The following RGS6 variants were observed in gnomAD, a reference collection of about 807,000 sequenced individuals.
The protein encoded by RGS6 is regulator of G protein signaling 6.
Under a neutral mutation model 78.5 loss-of-function variants are expected in RGS6, and 30 were observed. The ratio of observed to expected loss-of-function variants is 0.38; its 90% CI spans 0.29 to 0.52. RGS6 has a LOEUF of 0.52. RGS6 is among the 20% of genes least tolerant of loss of function. The pLI is 0.85. For missense variants in RGS6, 495 were observed against 609.7 expected, an observed-to-expected ratio of 0.81 and a Z score of 1.98; for synonymous variants, 206 against 206.0, an observed-to-expected ratio of 1.00 and a Z score of 0.00.
At chr14:72,365,290 G>A (rs2082249158) in intron 3 of RGS6, among the ~76,000 whole-genome samples, 1 of 152,186 alleles carries the variant, frequency 6.6e-6, no homozygotes, top group African/African-American at 2.4e-5. Context: ...TAATTTATGG[G>A]TACTGAGGAT....
At chr14:72,143,486 C>T (rs1023046144) in intron 2 of RGS6, among the ~76,000 whole-genome samples, 20 of 152,256 alleles carry the variant, frequency 1.3e-4, no homozygotes, top group African/African-American at 4.8e-4. Flanking sequence ...TAGGATTATA[C>T]GTAAGAAACT....
At chr14:72,260,585 C>G (rs1039681219) in intron 2 of RGS6, among the ~76,000 whole-genome samples, 1 of 152,030 alleles carries the variant, frequency 6.6e-6, no homozygotes, top group East Asian at 1.9e-4. Flanking sequence ...CTCCCATTGC[C>G]GTGGAGAGAA....
intron 2 of RGS6, among the ~76,000 whole-genome samples, chr14:72,200,348 G>A (rs1000464564): frequency 2.6e-5 from 4 of 152,064 alleles, no homozygotes; most frequent in Admixed American, 6.5e-5. Flanking sequence ...CCTTCATCAT[G>A]TCTTTGCGTC....
chr14:71,962,290 T>C (rs540900664), intron 1 of RGS6, among the ~76,000 whole-genome samples: 46 of 152,194 alleles, frequency 3.0e-4, no homozygotes, highest in African/African-American at 1.0e-3. Context: ...AGGGGGTGGC[T>C]GGGCAGAGGG....
intron 2 of RGS6, among the ~76,000 whole-genome samples, chr14:72,177,036 T>A (rs558745406): frequency 7.9e-5 from 12 of 152,374 alleles, no homozygotes; most frequent in African/African-American, 2.9e-4. Flanking sequence ...ATAACGTTTA[T>A]GAAATTTATC....
chr14:72,397,477 C>T (rs1278256288), intron 3 of RGS6, among the ~76,000 whole-genome samples: 13 of 151,758 alleles, frequency 8.6e-5, no homozygotes, highest in African/African-American at 2.9e-4. Context: ...TCTAGATATA[C>T]AATCATGTCA....
At position 72,352,115 on chromosome 14, in the gene RGS6, G is replaced by T; in HGVS notation, c.105G>T (p.Lys35Asn). 1 of 1,612,700 alleles carries T rather than the reference G, an allele frequency of 6.2e-7. No individual in the cohort carries two copies. The highest frequency in any genetic ancestry group is 8.5e-7 in the Non-Finnish European group (1 of 1,179,366). ...TTCAGATTGAAGACATCATTACAAA[G>T]ATGCAAGATGACAAGACAGGGGGTG... ...VYCKIEDIITKMQDDKTGGVP... is the reference protein window; with the variant it reads ...VYCKIEDIITNMQDDKTGGVP... Residue 35 changes from lysine to asparagine, a missense_variant, in exon 3 of 18, where the codon AAG (lysine) becomes AAT (asparagine). Lys to Asn is a moderately conservative substitution (Grantham distance 94, BLOSUM62 0). Coordinates refer to ENST00000553525, the MANE Select transcript of RGS6 (RefSeq NM_001204424.2).
chr14:72,253,081 C>G (rs1304009351), intron 2 of RGS6, among the ~76,000 whole-genome samples: 4 of 152,224 alleles, frequency 2.6e-5, no homozygotes, highest in African/African-American at 7.2e-5. Flanking sequence ...GAGGAGTTCT[C>G]TATCCAATGG....
the RGS6 span, among the ~76,000 whole-genome samples, chr14:72,602,743 G>C: frequency 6.6e-6 from 1 of 152,196 alleles, no homozygotes; most frequent in Non-Finnish European, 1.5e-5. Context: ...ATAATTAAAA[G>C]CATACAGGAG....
At chr14:72,390,111 T>TTTA (rs2089544675) in intron 3 of RGS6, among the ~76,000 whole-genome samples, 1 of 148,354 alleles carries the variant, frequency 6.7e-6, no homozygotes, top group African/African-American at 2.5e-5. Context: ...TTTTTTTTTT[T>TTTA]AACTGAGACA....
chr14:72,095,682 G>A (rs541772874), intron 2 of RGS6, among the ~76,000 whole-genome samples: 1 of 152,350 alleles, frequency 6.6e-6, no homozygotes, highest in South Asian at 2.1e-4. Context: ...GTATGTGGAT[G>A]GGGCAAGTAA....
chr14:71,970,820 G>C (rs1288086993), intron 2 of RGS6, among the ~76,000 whole-genome samples: 1 of 152,124 alleles, frequency 6.6e-6, no homozygotes, highest in Non-Finnish European at 1.5e-5. Context: ...CAACTGAGGG[G>C]CATGGGAGGA....
At chr14:72,269,400 C>T (rs1477403419) in intron 2 of RGS6, among the ~76,000 whole-genome samples, 1 of 152,140 alleles carries the variant, frequency 6.6e-6, no homozygotes, top group Non-Finnish European at 1.5e-5. Context: ...TCACTTTCTC[C>T]CTCCATTCCA....
chr14:72,364,474 T>C (rs1566634328), intron 3 of RGS6, among the ~76,000 whole-genome samples: 1 of 152,172 alleles, frequency 6.6e-6, no homozygotes, highest in Admixed American at 6.5e-5. Context: ...CCATCAGACT[T>C]TCTAGCCATT....
chr14:72,132,666 G>A (rs1567274882), intron 2 of RGS6, among the ~76,000 whole-genome samples: 1 of 151,808 alleles, frequency 6.6e-6, no homozygotes, highest in Admixed American at 6.6e-5. Context: ...TTTTTTAAAC[G>A]GATAATTAGG....
intron 1 of RGS6, among the ~76,000 whole-genome samples, chr14:71,954,819 C>G (rs2092663265): frequency 6.6e-6 from 1 of 152,146 alleles, no homozygotes; most frequent in Non-Finnish European, 1.5e-5. Flanking sequence ...TTTACTTTCT[C>G]CATTAGAATC....
intron 1 of RGS6, among the ~76,000 whole-genome samples, chr14:71,947,425 C>A (rs1484175569): frequency 1.3e-5 from 2 of 152,170 alleles, no homozygotes; most frequent in Non-Finnish European, 2.9e-5. Context: ...CCGCTGCCTG[C>A]CATCTGCCTT....
At chr14:72,593,910 G>A in the RGS6 span, among the ~76,000 whole-genome samples, 8 of 126,638 alleles carry the variant, frequency 6.3e-5, no homozygotes, top group South Asian at 2.1e-3. Context: ...TTCATTTGGT[G>A]CACCCCCTCA....
At chr14:72,368,927 G>T (rs1365621985) in intron 3 of RGS6, among the ~76,000 whole-genome samples, 1 of 152,132 alleles carries the variant, frequency 6.6e-6, no homozygotes, top group Non-Finnish European at 1.5e-5. Context: ...ATATGGGTAG[G>T]TTATTCTAGA....
Sources: gnomAD v4.1 joint callset for allele counts (sites outside exome capture counted in the v4.1 genomes callset) on GRCh38, gnomAD v4.1.1 for gene constraint, MANE v1.5 for transcripts, NCBI Gene and HGNC (gene_info 2026-07-23, HGNC 2026-07-21) for gene names.